The following PALS1 variants were observed in gnomAD, a reference collection of about 807,000 sequenced individuals.
PALS1 encodes protein PALS1.
Under a neutral mutation model 78.9 loss-of-function variants are expected in PALS1, and 31 were observed. The ratio of observed to expected loss-of-function variants is 0.39; its 90% CI spans 0.30 to 0.53. PALS1 has a LOEUF of 0.53. PALS1 is among the 20% of genes least tolerant of loss of function. The probability of loss-of-function intolerance (pLI) is 0.67; values close to 1 mark genes in which losing one functional copy is unlikely to be tolerated. For missense variants in PALS1, 704 were observed against 826.5 expected (o/e 0.85, Z 1.82); for synonymous variants, 276 against 270.9 (o/e 1.02, Z -0.18).
At chr14:67,306,342 CTTTTGTT>C (rs1363360504) in intron 8 of PALS1, among the ~76,000 whole-genome samples, 1 of 151,684 alleles carries the variant, frequency 6.6e-6, no homozygotes, top group African/African-American at 2.4e-5. Context: ...CTTCTTTTCT[CTTTTGTT>C]TTTTGTTTTT....
intron 7 of PALS1, among the ~76,000 whole-genome samples, chr14:67,302,961 A>G (rs1163764481): frequency 2.6e-5 from 4 of 152,186 alleles, no homozygotes. Context: ...TTTCCTAATA[A>G]TATTAGATAA....
rs567406130 is a variant in PALS1, at chr14:67,243,531, C to T, written c.-237+1998C>T. 2.0e-3 allele frequency among the ~76,000 whole-genome samples: 227 copies of T among 114,882 alleles called. 3 individuals are homozygous for T. Among genetic ancestry groups the T allele is most frequent in the African/African-American group, 7.6e-3 (225 of 29,494 alleles). The allele number at this position is 114,882 out of a possible 152,430, so 75.4% of individuals were successfully genotyped here. A position where few individuals can be genotyped will look rare whatever the true frequency, so the allele number is the denominator to read the frequency against. On this transcript the variant is annotated intron_variant, in intron 1 of 14. Coordinates refer to ENST00000261681, the MANE Select transcript of PALS1 (RefSeq NM_022474.4). ...TTTTTGAGACGGAGTCTCGCGCTGT[C>T]GCCCAGGCTGGAGTGCAGTGGCGCA...
At chr14:67,300,119 C>T (rs1354564740) in intron 4 of PALS1, among the ~76,000 whole-genome samples, 3 of 152,110 alleles carry the variant, frequency 2.0e-5, no homozygotes, top group Non-Finnish European at 4.4e-5. Flanking sequence ...CCTGTTTATA[C>T]ATATGGAACT....
intron 1 of PALS1, among the ~76,000 whole-genome samples, chr14:67,244,462 A>G (rs1295245877): frequency 2.0e-5 from 3 of 152,226 alleles, no homozygotes; most frequent in African/African-American, 7.2e-5. Context: ...GAAATGATAT[A>G]ATTGCTTCTT....
At chr14:67,319,372 G>C (rs2085228146) in intron 11 of PALS1, among the ~76,000 whole-genome samples, 1 of 152,148 alleles carries the variant, frequency 6.6e-6, no homozygotes, top group African/African-American at 2.4e-5. Flanking sequence ...TGGGCTTTAG[G>C]AATGTTACCC....
rs1280373920 is a variant in PALS1 at position 67,335,424 on chromosome 14, A to ATAAC, written c.*2472_*2475dup. ...ACCATTTAATATAGAAATGATATCA[A>ATAAC]TAACTAATGCTATGTACTTGGAAAA... On this transcript the variant is annotated 3_prime_UTR_variant, in exon 15 of 15. Coordinates refer to ENST00000261681, the MANE Select transcript of PALS1 (RefSeq NM_022474.4). 6.6e-6 allele frequency: 1 copy of ATAAC among 152,342 alleles called. No homozygotes were observed. The highest frequency in any genetic ancestry group is 2.4e-5 in the African/African-American group (1 of 41,458). The allele number at this position is 152,342 out of a possible 1,614,324, so 9.4% of individuals were successfully genotyped here.
At chr14:67,246,716 T>TA (rs565471291) in intron 1 of PALS1, among the ~76,000 whole-genome samples, 4 of 143,118 alleles carry the variant, frequency 2.8e-5, no homozygotes, top group African/African-American at 1.0e-4. Context: ...AGTGGCACGA[T>TA]ATCAGCTCAC....
intron 14 of PALS1, among the ~76,000 whole-genome samples, chr14:67,327,974 T>C (rs528388593): frequency 3.3e-5 from 5 of 152,358 alleles, no homozygotes; most frequent in Non-Finnish European, 7.3e-5. Context: ...GCAGCATGAT[T>C]TATAATCCTT....
At chr14:67,273,390 G>T (rs1390943883) in intron 2 of PALS1, among the ~76,000 whole-genome samples, 1 of 151,164 alleles carries the variant, frequency 6.6e-6, no homozygotes, top group Non-Finnish European at 1.5e-5. Flanking sequence ...TTCTGTCCTT[G>T]TGAAAATTTG....
chr14:67,331,067 CAG>C (rs2085441937), intron 14 of PALS1, among the ~76,000 whole-genome samples: 1 of 151,660 alleles, frequency 6.6e-6, no homozygotes, highest in Admixed American at 6.6e-5. Flanking sequence ...TTTTTTGAGA[CAG>C]AGTCTCACTC....
intron 8 of PALS1, among the ~76,000 whole-genome samples, chr14:67,309,192 C>T (rs1345779216): frequency 6.6e-6 from 1 of 152,050 alleles, no homozygotes; most frequent in East Asian, 1.9e-4. Flanking sequence ...AGCTTATCTC[C>T]TTCATTTTAA....
chr14:67,257,026 AC>A (rs1189845972), intron 1 of PALS1, among the ~76,000 whole-genome samples: 1 of 152,058 alleles, frequency 6.6e-6, no homozygotes, highest in Non-Finnish European at 1.5e-5. Flanking sequence ...TTTTTTAAAT[AC>A]GTTTTAGGGA....
rs1221940597 is a variant in PALS1, at chr14:67,293,755, A to G, written c.576+1036A>G. Among the ~76,000 whole-genome samples the G allele has an allele frequency of 3.3e-5, 5 of 152,324 alleles. No individual in the cohort carries two copies. In the East Asian group the frequency reaches 7.7e-4, roughly 23 times the overall value. ...TGACATATTTGAGAACACACAGGCA[A>G]GTGAACTGGTTTCAAATCCGGTTGG... On this transcript the variant is annotated intron_variant, in intron 4 of 14. Coordinates refer to ENST00000261681, the MANE Select transcript of PALS1 (RefSeq NM_022474.4).
At chr14:67,332,325 A>G (rs2085462715) in intron 14 of PALS1, among the ~76,000 whole-genome samples, 1 of 152,198 alleles carries the variant, frequency 6.6e-6, no homozygotes, top group African/African-American at 2.4e-5. Context: ...TCTGCAGCAG[A>G]TAGTATAGGG....
intron 3 of PALS1, among the ~76,000 whole-genome samples, chr14:67,289,796 G>A (rs543109469): frequency 5.7e-5 from 6 of 105,408 alleles, no homozygotes; most frequent in Middle Eastern, 4.6e-3. Context: ...TTTTTGAGAC[G>A]GAGTCTCTCT....
chr14:67,273,025 TGAG>T (rs2084433545), intron 2 of PALS1, among the ~76,000 whole-genome samples: 1 of 148,950 alleles, frequency 6.7e-6, no homozygotes, highest in South Asian at 2.1e-4. Flanking sequence ...CTGTCCTAGT[TGAG>T]GACCGCATTT....
At position 67,314,428 on chromosome 14, in the gene PALS1, G is replaced by C. The variant is rs187395179; in HGVS notation, c.1225+1718G>C. Among the ~76,000 whole-genome samples, 267 of 152,314 alleles carry C rather than the reference G, an allele frequency of 1.8e-3. 1 individual carries two copies. Among genetic ancestry groups the C allele is most frequent in the Middle Eastern group, 6.8e-3 (2 of 292 alleles). On this transcript the variant is annotated intron_variant, in intron 9 of 14. Coordinates refer to ENST00000261681, the MANE Select transcript of PALS1 (RefSeq NM_022474.4). ...TTCTCACTTTAAAACTCAGAGGCTA[G>C]AAACAGATTTTGTCTATATCAGTCA...
intron 1 of PALS1, among the ~76,000 whole-genome samples, chr14:67,245,615 G>C (rs1828133939): frequency 6.6e-6 from 1 of 152,018 alleles, no homozygotes; most frequent in Non-Finnish European, 1.5e-5. Flanking sequence ...GCCTCCCAAA[G>C]TGGTGGGATA....
At position 67,303,579 on chromosome 14, in the gene PALS1, C is replaced by T. The variant is rs1285055609; in HGVS notation, c.1021C>T (p.Pro341Ser). Residue 341 changes from proline to serine, a missense_variant, in exon 8 of 15, where the codon CCT (proline) becomes TCT (serine). By Grantham distance (74) the Pro-to-Ser change is moderately conservative. Coordinates refer to ENST00000261681, the MANE Select transcript of PALS1 (RefSeq NM_022474.4). ...GATTCCCAGTCAACAGATCAAGCCG[C>T]CTCCTGCCAAGGAAACAGTAGTAAG... Reference protein sequence around the residue: ...VLIPSQQIKPPPAKETVIHVK... With the variant: ...VLIPSQQIKPSPAKETVIHVK... The T allele has an allele frequency of 1.9e-6, 3 of 1,613,496 alleles. No homozygotes were observed. The highest frequency in any genetic ancestry group is 1.7e-5 in the Admixed American group (1 of 60,000).
Sources: gnomAD v4.1 joint callset for allele counts (sites outside exome capture counted in the v4.1 genomes callset) on GRCh38, gnomAD v4.1.1 for gene constraint, MANE v1.5 for transcripts, NCBI Gene and HGNC (gene_info 2026-07-23, HGNC 2026-07-21) for gene names.